The following CPAMD8 variants were observed in gnomAD, a reference collection of about 807,000 sequenced individuals.
CPAMD8 encodes the protein C3 and PZP-like alpha-2-macroglobulin domain-containing protein 8.
CPAMD8 carries 146 observed loss-of-function variants against 224.7 expected under a neutral mutation model. The ratio of observed to expected loss-of-function variants is 0.65; its 90% CI spans 0.57 to 0.75. The LOEUF (loss-of-function observed/expected upper bound fraction) is 0.75. CPAMD8 is among the 30% of genes least tolerant of loss of function. The probability of loss-of-function intolerance (pLI) is 0.00; values close to 1 mark genes in which losing one functional copy is unlikely to be tolerated. For synonymous variants in CPAMD8, 966 were observed against 1,044.6 expected (o/e 0.92, Z 1.45); for missense variants, 2,301 against 2,537.5 (o/e 0.91, Z 2.00).
Position 16,903,616 on chromosome 19 carries a change from C to G in CPAMD8, c.4415G>C (p.Ser1472Thr), listed in dbSNP as rs2052349248. 6.2e-7 allele frequency: 1 copy of G among 1,614,002 alleles called. No individual in the cohort carries two copies. ...ACTCACAAACAGCCCCGTGGGGAGG[C>G]TGGGGATCTGGAGACAGAAGTCACC... Reference protein sequence around the residue: ...QKVLQTAAIPSLPTGLFVSAK... With the variant: ...QKVLQTAAIPTLPTGLFVSAK... Residue 1472 changes from serine to threonine, a missense_variant, in exon 34 of 42, where the codon AGC becomes ACC. Ser to Thr is a moderately conservative substitution (Grantham distance 58). This residue lies in a region of CPAMD8 where 1,709 missense variants were observed against 1,753.2 expected (regional missense o/e 0.97). Transcript: ENST00000443236.
intron 22 of CPAMD8, among the ~76,000 whole-genome samples, chr19:16,945,137 T>C (rs546962879): frequency 6.6e-6 from 1 of 152,292 alleles, no homozygotes; most frequent in East Asian, 1.9e-4. Flanking sequence ...TGCAAGATCC[T>C]GGCGCCTGCC....
intron 13 of CPAMD8, among the ~76,000 whole-genome samples, chr19:16,981,567 G>GAGGCCCCACA (rs542536031): frequency 6.6e-6 from 1 of 152,164 alleles, no homozygotes; most frequent in African/African-American, 2.4e-5. Flanking sequence ...CAGGGGAACT[G>GAGGCCCCACA]ATGCTAAGGC....
rs1254485612 is a variant in CPAMD8 at position 17,011,022 on chromosome 19, C to CA, written c.486+441dup. Among the ~76,000 whole-genome samples, 489 of 141,176 alleles carry CA rather than the reference C, an allele frequency of 3.5e-3. 2 individuals are homozygous for CA. The highest frequency in any genetic ancestry group is 6.4e-3 in the African/African-American group (241 of 37,704). The allele number at this position is 141,176 out of a possible 152,430, so 92.6% of individuals were successfully genotyped here. A position where few individuals can be genotyped will look rare whatever the true frequency, so the allele number is the denominator to read the frequency against. On this transcript the variant is annotated intron_variant, in intron 5 of 41. Coordinates refer to ENST00000443236, the MANE Select transcript of CPAMD8 (RefSeq NM_015692.5). ...TGGGTGACAGAGCAAGACTCCATCTCAAAAAAAAAACAGAAAAAAAAATCA... is the reference window on the plus strand; with the variant it reads ...TGGGTGACAGAGCAAGACTCCATCTCAAAAAAAAAAACAGAAAAAAAAATCA...
chr19:17,019,768 C>T (rs1436587843), intron 3 of CPAMD8, among the ~76,000 whole-genome samples: 2 of 151,174 alleles, frequency 1.3e-5, no homozygotes, highest in African/African-American at 2.4e-5. Context: ...AGGATTTTAC[C>T]ATGTTTTCCA....
chr19:16,958,453 G>A (rs562371215), intron 18 of CPAMD8, among the ~76,000 whole-genome samples: 223 of 152,224 alleles, frequency 1.5e-3, no homozygotes, highest in Middle Eastern at 3.4e-3. Flanking sequence ...ACATGATTTT[G>A]TTCTTTTTTA....
chr19:16,941,620 C>T lies in CPAMD8; in HGVS notation c.2794-3174G>A, dbSNP rs550928070. ...GTGGAAGGTGATTGGATCATGGGGGCGGATTTCCCCCTTGCTGTTCTCGTG... is the reference window on the plus strand; with the variant it reads ...GTGGAAGGTGATTGGATCATGGGGGTGGATTTCCCCCTTGCTGTTCTCGTG... On this transcript the variant is annotated intron_variant, in intron 22 of 41. Transcript: ENST00000443236. 9.9e-5 allele frequency among the ~76,000 whole-genome samples: 15 copies of T among 152,232 alleles called. No individual in the cohort carries two copies. The South Asian group carries it at 1.0e-3, about 11-fold the overall frequency.
intron 5 of CPAMD8, among the ~76,000 whole-genome samples, chr19:17,009,876 T>C (rs1327848458): frequency 1.3e-5 from 2 of 152,146 alleles, no homozygotes; most frequent in African/African-American, 4.8e-5. Flanking sequence ...GGGTGCCTCC[T>C]GATACAAGGC....
At chr19:16,981,139 G>A (rs930071820) in intron 13 of CPAMD8, among the ~76,000 whole-genome samples, 1 of 151,946 alleles carries the variant, frequency 6.6e-6, no homozygotes, top group African/African-American at 2.4e-5. Context: ...GATCGCTCAA[G>A]TCCAGAAGTT....
chr19:16,923,825 G>A (rs2053261463), intron 26 of CPAMD8, among the ~76,000 whole-genome samples: 2 of 152,116 alleles, frequency 1.3e-5, no homozygotes, highest in Admixed American at 6.5e-5. Context: ...GCATGGTGGT[G>A]CACACCTGTA....
Position 17,020,422 on chromosome 19 carries a change from C to A in CPAMD8, c.245-69G>T, listed in dbSNP as rs992096692. On this transcript the variant is annotated intron_variant, in intron 2 of 41. Coordinates refer to ENST00000443236, the MANE Select transcript of CPAMD8 (RefSeq NM_015692.5). Reference sequence around the variant, plus strand: ...GTTGCCCTGCCTCCCTGAGCTGCAGCCTCACAAACCACAAACTTTCTTAAC... The same window carrying A: ...GTTGCCCTGCCTCCCTGAGCTGCAGACTCACAAACCACAAACTTTCTTAAC... The A allele has an allele frequency of 1.1e-5, 12 of 1,117,546 alleles. No homozygotes were observed. In the African/African-American group the frequency reaches 1.9e-4, roughly 17 times the overall value. 69.2% of individuals were successfully genotyped at this position (1,117,546 alleles called of 1,614,324 possible).
chr19:16,950,908 C>T (rs1409594627), intron 20 of CPAMD8, among the ~76,000 whole-genome samples: 1 of 151,718 alleles, frequency 6.6e-6, no homozygotes. Flanking sequence ...CACACTTCTT[C>T]TCGTGAACTG....
In CPAMD8 at chr19:16,967,893, G is replaced by GTGCATATATACACACACA. The variant is rs1568540065; in HGVS notation, c.2213+2997_2213+2998insTGTGTGTGTATATATGCA. On this transcript the variant is annotated intron_variant, in intron 18 of 41. Transcript: ENST00000443236. ...TATATGTGCATATATACACACACATGTGTGTGTATATATGTGCATATATAC... is the reference window on the plus strand; with the variant it reads ...TATATGTGCATATATACACACACATGTGCATATATACACACACATGTGTGTATATATGTGCATATATAC... Among the ~76,000 whole-genome samples the GTGCATATATACACACACA allele has an allele frequency of 6.4e-3, 278 of 43,138 alleles. 7 individuals carry two copies. The highest frequency in any genetic ancestry group is 0.024 in the East Asian group (11 of 462). 28.3% of individuals were successfully genotyped at this position (43,138 alleles called of 152,430 possible). A position where few individuals can be genotyped will look rare whatever the true frequency, so the allele number is the denominator to read the frequency against.
Position 16,912,109 on chromosome 19 carries a change from A to G in CPAMD8, c.3861+2315T>C, listed in dbSNP as rs920910665. Among the ~76,000 whole-genome samples, 9 of 152,192 alleles carry G rather than the reference A, an allele frequency of 5.9e-5. 1 individual carries two copies. The highest frequency in any genetic ancestry group is 5.2e-4 in the Admixed American group (8 of 15,282). On this transcript the variant is annotated intron_variant, in intron 29 of 41. Transcript: ENST00000443236. ...CTGATTCTATATTATGGTGAGTTGT[A>G]TAATTATTTCATTATATATTATAAT...
chr19:16,905,540 CAAAAAAAAA>C lies in CPAMD8; in HGVS notation c.4028-997_4028-989del, dbSNP rs5827346. Among the ~76,000 whole-genome samples the C allele has an allele frequency of 7.5e-5, 6 of 80,402 alleles. No homozygotes were observed. The East Asian group carries it at 2.3e-3, about 31-fold the overall frequency. 52.7% of individuals were successfully genotyped at this position (80,402 alleles called of 152,430 possible). Reference sequence around the variant, plus strand: ...GGGCAACAAGAGCGAAACTCCGTTTCAAAAAAAAAAAAAAAAAAAGGAAGAAAAGAAAAA... The same window carrying C: ...GGGCAACAAGAGCGAAACTCCGTTTCAAAAAAAAAAGGAAGAAAAGAAAAA... On this transcript the variant is annotated intron_variant, in intron 30 of 41. Transcript: ENST00000443236.
rs577585902 is a variant in CPAMD8 at position 16,912,482 on chromosome 19, C to T, written c.3861+1942G>A. Among the ~76,000 whole-genome samples, 14 of 152,298 alleles carry T rather than the reference C, an allele frequency of 9.2e-5. No homozygotes were observed. In the South Asian group the frequency reaches 1.7e-3, roughly 18 times the overall value. On this transcript the variant is annotated intron_variant, in intron 29 of 41. Transcript: ENST00000443236. ...CATAAGGGAGGGCCAGGCATGGTGG[C>T]TTATGCCTGTAATCCCAGTACTTTG...
At chr19:16,959,428 G>A (rs967276774) in intron 18 of CPAMD8, among the ~76,000 whole-genome samples, 1 of 151,974 alleles carries the variant, frequency 6.6e-6, no homozygotes, top group Admixed American at 6.6e-5. Flanking sequence ...ACCCGCCTCG[G>A]CCTCCCAAAG....
At chr19:17,004,900 C>CA (rs2056441898) in intron 7 of CPAMD8, among the ~76,000 whole-genome samples, 1 of 151,948 alleles carries the variant, frequency 6.6e-6, no homozygotes, top group Non-Finnish European at 1.5e-5. Context: ...CAGATACTGC[C>CA]AATATCGCCC....
At position 16,925,391 on chromosome 19, in the gene CPAMD8, G is replaced by A. The variant is rs757180417; in HGVS notation, c.3371-19C>T. 1 of 1,603,716 alleles carries A rather than the reference G, an allele frequency of 6.2e-7. No individual in the cohort carries two copies. Among genetic ancestry groups the A allele is most frequent in the Admixed American group, 1.7e-5 (1 of 60,014 alleles). ...ACGTCCCCTGGTGGGAAGGAGAAGAGAGTTGAGTTGGGGGCTGTCCCAGTT... is the reference window on the plus strand; with the variant it reads ...ACGTCCCCTGGTGGGAAGGAGAAGAAAGTTGAGTTGGGGGCTGTCCCAGTT... On this transcript the variant is annotated intron_variant, in intron 25 of 41. Coordinates refer to ENST00000443236, the MANE Select transcript of CPAMD8 (RefSeq NM_015692.5).
intron 2 of CPAMD8, among the ~76,000 whole-genome samples, chr19:17,021,288 T>A (rs1386762607): frequency 6.6e-6 from 1 of 151,994 alleles, no homozygotes; most frequent in Non-Finnish European, 1.5e-5. Flanking sequence ...CTGGGTTGGG[T>A]TTCAGTTGGC....
Sources: allele counts gnomAD v4.1 joint callset (sites outside exome capture counted in the v4.1 genomes callset), GRCh38; gene constraint gnomAD v4.1.1; regional missense constraint gnomAD v4.1.1; transcripts MANE v1.5; gene names NCBI Gene and HGNC (gene_info 2026-07-23, HGNC 2026-07-21).